The following UTP20 variants were observed in gnomAD, a reference collection of about 807,000 sequenced individuals.
UTP20 encodes small subunit processome component 20 homolog.
UTP20 carries 164 observed loss-of-function variants against 329.5 expected under a neutral mutation model. The observed-to-expected ratio is 0.50, with a 90% CI of 0.44 to 0.57. The LOEUF (loss-of-function observed/expected upper bound fraction) is 0.57. UTP20 is among the 20% of genes least tolerant of loss of function. The pLI is 0.00. For synonymous variants in UTP20, 1,151 were observed against 1,159.3 expected (o/e 0.99, Z 0.14); for missense variants, 3,055 against 3,284.2 (o/e 0.93, Z 1.71).
rs1445053217 is a variant in UTP20, at chr12:101,290,286, G to A, written c.735+12G>A. 6.3e-7 allele frequency: 1 copy of A among 1,577,960 alleles called. No homozygotes were observed. Among genetic ancestry groups the A allele is most frequent in the Admixed American group, 1.9e-5 (1 of 53,070 alleles). ...CCTGTACAGGCCAGGTACATAATGG[G>A]GAGGGGTGCTTAGAGTCTATGTGGA... is the stretch of plus-strand genomic sequence containing the variant. On this transcript the variant is annotated intron_variant, in intron 7 of 61. Coordinates refer to ENST00000261637, the MANE Select transcript of UTP20 (RefSeq NM_014503.3).
intron 25 of UTP20, among the ~76,000 whole-genome samples, chr12:101,324,738 A>G (rs1868499446): frequency 6.6e-6 from 1 of 152,144 alleles, no homozygotes; most frequent in Non-Finnish European, 1.5e-5. Context: ...GGTTTTTTCT[A>G]GAATCTAGAT....
At chr12:101,319,735 G>T (rs1428258530) in intron 23 of UTP20, 100 bp downstream of exon 23, 37 of 911,886 alleles carry the variant, frequency 4.1e-5, no homozygotes, top group Non-Finnish European at 5.9e-5. Context: ...GCTGAATAGG[G>T]CCCATGTCTA....
At chr12:101,316,728 T>C (rs970464467) in intron 21 of UTP20, among the ~76,000 whole-genome samples, 2 of 152,172 alleles carry the variant, frequency 1.3e-5, no homozygotes, top group Non-Finnish European at 1.5e-5. Context: ...CTGCATTCAA[T>C]AGACAACAAA....
intron 56 of UTP20, among the ~76,000 whole-genome samples, chr12:101,377,217 G>T (rs1325789852): frequency 3.9e-5 from 6 of 152,218 alleles, no homozygotes; most frequent in Non-Finnish European, 7.3e-5. Context: ...AACATGGCCA[G>T]ATTATTACAA....
chr12:101,362,024 C>G lies in UTP20; in HGVS notation c.5754C>G (p.Val1918=). The change falls in exon 44 of 62, where the codon GTC becomes GTG. Residue 1918 remains valine, a synonymous_variant. Coordinates refer to ENST00000261637, the MANE Select transcript of UTP20 (RefSeq NM_014503.3). ...AAGGCCTCACCAATAAGCTGCAGGTCGGAGATTTGGACTCTTGTTTAGATA... is the reference window on the plus strand; with the variant it reads ...AAGGCCTCACCAATAAGCTGCAGGTGGGAGATTTGGACTCTTGTTTAGATA... ...LLQGLTNKLQ[V]GDLDSCLDIM... 6.2e-7 allele frequency: 1 copy of G among 1,613,408 alleles called. No individual in the cohort carries two copies. The highest frequency in any genetic ancestry group is 8.5e-7 in the Non-Finnish European group (1 of 1,179,636).
At position 101,338,882 on chromosome 12, in the gene UTP20, C is replaced by CG; in HGVS notation, c.3938_3939insG (p.Thr1314HisfsTer13). ...GCAATTCTTCAGTATCTCAGCAAAA[C>CG]CACAATAAGCGCAGAAAAGGTGAAA... On this transcript the variant is annotated frameshift_variant, in exon 31 of 62. Transcript: ENST00000261637. LOFTEE classifies it high-confidence loss of function. 1 of 1,611,858 alleles carries CG rather than the reference C, an allele frequency of 6.2e-7. No individual in the cohort carries two copies. Among genetic ancestry groups the CG allele is most frequent in the South Asian group, 1.1e-5 (1 of 90,736 alleles).
intron 38 of UTP20, among the ~76,000 whole-genome samples, chr12:101,350,155 A>G (rs753485329): frequency 1.3e-5 from 2 of 152,096 alleles, no homozygotes; most frequent in African/African-American, 2.4e-5. Flanking sequence ...TGAGAATTTT[A>G]TAAATTATTG....
chr12:101,376,862 G>A (rs546723997), intron 56 of UTP20, among the ~76,000 whole-genome samples: 1 of 152,170 alleles, frequency 6.6e-6, no homozygotes, highest in South Asian at 2.1e-4. Flanking sequence ...TGGCCAGGCT[G>A]GTCTTGAACT....
chr12:101,386,212 G>GTT lies in UTP20; in HGVS notation c.*103_*104dup, dbSNP rs34431009. ...AGGTTGTCTGGGGTAGGGGGGAGGC[G>GTT]TTTTTTTTTTTTTTTGAGACAAGGT... On this transcript the variant is annotated 3_prime_UTR_variant, in exon 62 of 62. Transcript: ENST00000261637. The GTT allele has an allele frequency of 6.2e-3, 5,597 of 901,130 alleles. No individual in the cohort carries two copies. The highest frequency in any genetic ancestry group is 7.5e-3 in the Middle Eastern group (23 of 3,048). The allele number at this position is 901,130 out of a possible 1,614,324, so 55.8% of individuals were successfully genotyped here.
chr12:101,379,521 T>A lies in UTP20; in HGVS notation c.7547T>A (p.Val2516Glu). 2 of 1,613,854 alleles carry A rather than the reference T, an allele frequency of 1.2e-6. No homozygotes were observed. Among genetic ancestry groups the A allele is most frequent in the Non-Finnish European group, 1.7e-6 (2 of 1,179,848 alleles). Residue 2516 changes from valine (V) to glutamate (E), a missense_variant, in exon 57 of 62, where the codon GTA (valine) becomes GAA (glutamate). Val to Glu is a moderately radical substitution (Grantham distance 121, BLOSUM62 -2). This residue lies in a region of UTP20 where 337 missense variants were observed against 345.5 expected (regional missense o/e 0.98). Coordinates refer to ENST00000261637, the MANE Select transcript of UTP20 (RefSeq NM_014503.3). ...KKTKKHLPEP[V>E]AIKFLASDLD... ...ACCAAAAAACACCTCCCAGAACCTG[T>A]AGCAATCAAGTTCCTAGCCAGTGAC... is the stretch of plus-strand genomic sequence containing the variant.
intron 31 of UTP20, among the ~76,000 whole-genome samples, chr12:101,340,234 C>T (rs1338733410): frequency 1.3e-5 from 2 of 152,150 alleles, no homozygotes; most frequent in African/African-American, 4.8e-5. Context: ...AATTACCAGA[C>T]TGGAGTTCAC....
At chr12:101,349,152 G>T (rs1453683737) in intron 38 of UTP20, among the ~76,000 whole-genome samples, 2 of 151,604 alleles carry the variant, frequency 1.3e-5, no homozygotes, top group East Asian at 1.9e-4. Context: ...TGTGTTTGGG[G>T]TTTTTTGTTT....
intron 28 of UTP20, 119 bp downstream of exon 28, chr12:101,333,563 G>A: frequency 2.3e-6 from 3 of 1,305,992 alleles, no homozygotes; most frequent in Non-Finnish European, 3.1e-6. Context: ...TTTACATCGA[G>A]CCCTTCTTTC....
In UTP20 at chr12:101,355,006, C is replaced by T; in HGVS notation, c.5282C>T (p.Pro1761Leu). 6.2e-7 allele frequency: 1 copy of T among 1,614,214 alleles called. No individual in the cohort carries two copies. Among genetic ancestry groups the T allele is most frequent in the Non-Finnish European group, 8.5e-7 (1 of 1,180,032 alleles). ...SAKESECITK[P>L]VSFLPQNKEE... ...AAAGAATCCGAGTGTATCACAAAGC[C>T]TGTCTCTTTCCTTCCTCAAAACAAG... Residue 1761 changes from proline (P) to leucine (L), a missense_variant, in exon 41 of 62, where the codon CCT (proline) becomes CTT (leucine). Pro to Leu is a moderately conservative substitution (Grantham distance 98). Around this residue, in one of 3 missense-constraint regions of UTP20, gnomAD observed 2,445 missense variants for 2,575.5 expected, o/e 0.95. Coordinates refer to ENST00000261637, the MANE Select transcript of UTP20 (RefSeq NM_014503.3).
At chr12:101,320,327 G>A (rs1409203511) in intron 23 of UTP20, among the ~76,000 whole-genome samples, 10 of 152,034 alleles carry the variant, frequency 6.6e-5, no homozygotes, top group Non-Finnish European at 4.4e-5. Flanking sequence ...AGGCCAAGGC[G>A]GACAGATCAC....
intron 38 of UTP20, 126 bp from the exon 39 acceptor site, chr12:101,351,929 T>G (rs1213664319): frequency 9.0e-7 from 1 of 1,107,960 alleles, no homozygotes; most frequent in Non-Finnish European, 1.3e-6. Flanking sequence ...AAAATTAGTA[T>G]AGTTTGGACA....
At chr12:101,376,912 T>G (rs1870493343) in intron 56 of UTP20, among the ~76,000 whole-genome samples, 1 of 152,046 alleles carries the variant, frequency 6.6e-6, no homozygotes, top group African/African-American at 2.4e-5. Flanking sequence ...CCTCCCAAAG[T>G]GCTGGGATTA....
intron 52 of UTP20, 121 bp from the exon 53 acceptor site, chr12:101,373,280 C>A: frequency 2.1e-6 from 2 of 935,068 alleles, no homozygotes; most frequent in Non-Finnish European, 1.6e-6. Context: ...ATTAGGAAAA[C>A]AGAGCATTTT....
In UTP20 at chr12:101,373,676, C is replaced by A; in HGVS notation, c.7040C>A (p.Ser2347Tyr). 6.2e-7 allele frequency: 1 copy of A among 1,613,218 alleles called. No individual in the cohort carries two copies. Residue 2347 changes from serine (S) to tyrosine (Y), a missense_variant, in exon 54 of 62, where the codon TCC (serine) becomes TAC (tyrosine). This residue lies in a region of UTP20 where 273 missense variants were observed against 363.1 expected (regional missense o/e 0.75). Transcript: ENST00000261637. ...DDSATCKKMA[S>Y]MTIKSLLGKI... Reference sequence around the variant, plus strand: ...TCTGCCACGTGCAAAAAGATGGCATCCATGACAATCAAGTCCCTACTTGGT... The same window carrying A: ...TCTGCCACGTGCAAAAAGATGGCATACATGACAATCAAGTCCCTACTTGGT...
Sources: allele counts gnomAD v4.1 joint callset (sites outside exome capture counted in the v4.1 genomes callset), GRCh38; gene constraint gnomAD v4.1.1; regional missense constraint gnomAD v4.1.1; transcripts MANE v1.5; gene names NCBI Gene and HGNC (gene_info 2026-07-23, HGNC 2026-07-21).